The following SCARA3 variants were observed in gnomAD, a reference collection of about 807,000 sequenced individuals.
SCARA3 encodes cellular stress response gene protein.
In SCARA3, 39 loss-of-function variants were observed where a neutral mutation model predicts 47.0. The observed-to-expected ratio is 0.83, with a 90% CI of 0.64 to 1.08. SCARA3 has a LOEUF of 1.08. Among genes scored for constraint, SCARA3 ranks in the 50% least tolerant of loss-of-function variants. The probability of loss-of-function intolerance (pLI) is 0.00; values close to 1 mark genes in which losing one functional copy is unlikely to be tolerated. For missense variants in SCARA3, 724 were observed against 792.3 expected (o/e 0.91, Z 1.04); for synonymous variants, 356 against 334.1 (o/e 1.07, Z -0.71).
At chr8:27,680,831 C>T (rs1457491367), downstream of SCARA3, among the ~76,000 whole-genome samples, 1 of 152,018 alleles carries the variant, frequency 6.6e-6, no homozygotes, top group Non-Finnish European at 1.5e-5. Context: ...GAATGCTAGG[C>T]TAGTTTAATA....
At chr8:27,646,020 A>G (rs751265225) in intron 1 of SCARA3, among the ~76,000 whole-genome samples, 10 of 152,238 alleles carry the variant, frequency 6.6e-5, no homozygotes, top group African/African-American at 7.2e-5. Flanking sequence ...GTTCTCATTA[A>G]GTGAACGAGG....
At chr8:27,733,705 T>C in the SCARA3 span, 2 of 152,240 alleles carry the variant, frequency 1.3e-5, no homozygotes, top group Non-Finnish European at 2.9e-5. Flanking sequence ...GGAAATTTGT[T>C]ATTTACATGC....
At chr8:27,664,814 G>A (rs1159344487) in intron 5 of SCARA3, among the ~76,000 whole-genome samples, 3 of 152,084 alleles carry the variant, frequency 2.0e-5, no homozygotes, top group Non-Finnish European at 4.4e-5. Context: ...AGTCATGCGT[G>A]GAGAGCAAAA....
At chr8:27,717,220 C>A in the SCARA3 span, among the ~76,000 whole-genome samples, 3 of 152,218 alleles carry the variant, frequency 2.0e-5, no homozygotes, top group African/African-American at 4.8e-5. Context: ...AAGTTCTTTG[C>A]AAATTTCCTG....
the SCARA3 span, among the ~76,000 whole-genome samples, chr8:27,696,927 T>C: frequency 6.6e-6 from 1 of 152,140 alleles, no homozygotes; most frequent in Non-Finnish European, 1.5e-5. Flanking sequence ...AGGTTTCTTT[T>C]TGAGGTGATG....
intron 5 of SCARA3, among the ~76,000 whole-genome samples, chr8:27,660,989 C>T (rs954967783): frequency 6.6e-6 from 1 of 152,156 alleles, no homozygotes; most frequent in South Asian, 2.1e-4. Context: ...AGTTTGAAGA[C>T]CATCAGGCAG....
the SCARA3 span, among the ~76,000 whole-genome samples, chr8:27,705,592 GAC>G: frequency 3.3e-5 from 5 of 152,220 alleles, no homozygotes; most frequent in African/African-American, 4.8e-5. Flanking sequence ...TTTTGCACCT[GAC>G]ATGGGGCTCC....
intron 4 of SCARA3, among the ~76,000 whole-genome samples, chr8:27,657,787 G>A (rs567771711): frequency 1.6e-4 from 24 of 151,998 alleles, no homozygotes; most frequent in Non-Finnish European, 2.9e-4. Flanking sequence ...TGATCCGCCC[G>A]CCTCTGCCTC....
intron 1 of SCARA3, among the ~76,000 whole-genome samples, chr8:27,641,327 G>A (rs889400945): frequency 3.3e-5 from 5 of 152,220 alleles, no homozygotes; most frequent in African/African-American, 1.2e-4. Context: ...TCTGGACAGA[G>A]TTAGTGGATG....
At chr8:27,705,061 G>A in the SCARA3 span, among the ~76,000 whole-genome samples, 1 of 152,108 alleles carries the variant, frequency 6.6e-6, no homozygotes, top group African/African-American at 2.4e-5. Flanking sequence ...GCTCATTAAG[G>A]GAGCAATCAG....
At chr8:27,724,588 G>A in the SCARA3 span, among the ~76,000 whole-genome samples, 1 of 152,186 alleles carries the variant, frequency 6.6e-6, no homozygotes, top group South Asian at 2.1e-4. Flanking sequence ...AACCCGGGAG[G>A]CAGAGGTTGC....
At chr8:27,649,669 G>A in intron 1 of SCARA3, 33 bp from the exon 2 acceptor site, 1 of 1,601,878 alleles carries the variant, frequency 6.2e-7, no homozygotes, top group Non-Finnish European at 8.5e-7. Flanking sequence ...GCCTGGGATG[G>A]CTTTGGGTCT....
chr8:27,641,153 C>T (rs910685968), intron 1 of SCARA3, among the ~76,000 whole-genome samples: 2 of 152,322 alleles, frequency 1.3e-5, no homozygotes, highest in African/African-American at 2.4e-5. Flanking sequence ...ACACCTTGGC[C>T]TAATTGTGTA....
chr8:27,670,693 T>G (rs1168098896), intron 5 of SCARA3, among the ~76,000 whole-genome samples: 1 of 152,000 alleles, frequency 6.6e-6, no homozygotes, highest in Non-Finnish European at 1.5e-5. Context: ...TCTCAGTGTG[T>G]GTGCGGAGCT....
the SCARA3 span, among the ~76,000 whole-genome samples, chr8:27,709,102 G>T: frequency 6.6e-6 from 1 of 152,200 alleles, no homozygotes; most frequent in Non-Finnish European, 1.5e-5. Flanking sequence ...CTCTCCACCT[G>T]AAGGAGCATT....
the SCARA3 span, among the ~76,000 whole-genome samples, chr8:27,706,206 C>T: frequency 3.3e-5 from 5 of 152,100 alleles, no homozygotes; most frequent in East Asian, 1.9e-4. Flanking sequence ...AGCTGGAGTG[C>T]GGTGGCATGA....
chr8:27,679,790 A>C (rs1802331381), downstream of SCARA3: 1 of 152,332 alleles, frequency 6.6e-6, no homozygotes, highest in African/African-American at 2.4e-5. Flanking sequence ...CATGGAAGTA[A>C]ATTAGAAATC....
intron 5 of SCARA3, among the ~76,000 whole-genome samples, chr8:27,659,835 G>C (rs1204004330): frequency 1.0e-5 from 1 of 98,368 alleles, no homozygotes; most frequent in African/African-American, 4.0e-5. Flanking sequence ...GGGAGACAGA[G>C]TAAGTCCTTA....
chr8:27,728,565 G>A, the SCARA3 span, among the ~76,000 whole-genome samples: 5 of 152,334 alleles, frequency 3.3e-5, no homozygotes, highest in East Asian at 1.9e-4. Flanking sequence ...TGGAGGGGCC[G>A]TCGCTGGGGA....
Sources: allele counts gnomAD v4.1 joint callset (sites outside exome capture counted in the v4.1 genomes callset), GRCh38; gene constraint gnomAD v4.1.1; transcripts MANE v1.5; gene names NCBI Gene and HGNC (gene_info 2026-07-23, HGNC 2026-07-21).